CLASP2: variants seen among roughly 807,000 people sequenced by gnomAD.
CLASP2 encodes cytoplasmic linker associated protein 2.
CLASP2 carries 47 observed loss-of-function variants against 194.4 expected under a neutral mutation model. That is an observed-to-expected ratio of 0.24 (90% confidence interval 0.19 to 0.31). The LOEUF (loss-of-function observed/expected upper bound fraction) is 0.31, where lower values mean the gene tolerates loss of function less well. CLASP2 is among the 10% of genes least tolerant of loss of function. The pLI, the probability that CLASP2 is intolerant of heterozygous loss-of-function variation, is 1.00. For missense variants in CLASP2, 1,445 were observed against 1,823.6 expected (o/e 0.79, Z 3.78); for synonymous variants, 619 against 633.5 (o/e 0.98, Z 0.34).
In CLASP2 at chr3:33,501,642, C is replaced by T. The variant is rs749746979; in HGVS notation, c.4434+10G>A. 1.6e-5 allele frequency: 25 copies of T among 1,518,472 alleles called. No homozygotes were observed. The highest frequency in any genetic ancestry group is 2.2e-5 in the Non-Finnish European group (24 of 1,092,958). 94.1% of individuals were successfully genotyped at this position (1,518,472 alleles called of 1,614,324 possible). A position where few individuals can be genotyped will look rare whatever the true frequency, so the allele number is the denominator to read the frequency against. ...GGCCACCATCTCTAAAACACAGCAG[C>T]ACTACTTACTTTACTGCCAGTAAGT... On this transcript the variant is annotated intron_variant, in intron 38 of 38. Coordinates refer to ENST00000682230, the MANE Select transcript of CLASP2 (RefSeq NM_001365631.1).
chr3:33,674,022 T>A (rs994304881), intron 6 of CLASP2, among the ~76,000 whole-genome samples: 1 of 152,148 alleles, frequency 6.6e-6, no homozygotes, highest in East Asian at 1.9e-4. Context: ...CTGTCAACAT[T>A]AGACAGATCA....
chr3:33,573,500 T>C, intron 24 of CLASP2, 146 bp from the exon 25 acceptor site: 1 of 868,096 alleles, frequency 1.2e-6, no homozygotes, highest in Non-Finnish European at 1.8e-6. Flanking sequence ...AATGTCAGTA[T>C]TTAGTTTTTC....
chr3:33,619,074 C>A (rs1426560061), intron 12 of CLASP2, among the ~76,000 whole-genome samples: 1 of 152,092 alleles, frequency 6.6e-6, no homozygotes, highest in Non-Finnish European at 1.5e-5. Flanking sequence ...GAATACTGTA[C>A]TAAATATTAC....
chr3:33,560,741 T>A lies in CLASP2; in HGVS notation c.2930+67A>T, dbSNP rs542951819. ...CAAAGGGACCCAGAAATCTGAACTA[T>A]TAACACAGGGGTTAGATATTCCTAG... is the stretch of plus-strand genomic sequence containing the variant. On this transcript the variant is annotated intron_variant, in intron 28 of 38. Coordinates refer to ENST00000682230, the MANE Select transcript of CLASP2 (RefSeq NM_001365631.1). 2.5e-5 allele frequency: 35 copies of A among 1,402,106 alleles called. No homozygotes were observed. In the Admixed American group the frequency reaches 3.2e-4, roughly 13 times the overall value. 86.9% of individuals were successfully genotyped at this position (1,402,106 alleles called of 1,614,324 possible).
At chr3:33,567,558 A>G (rs2062970096) in intron 26 of CLASP2, among the ~76,000 whole-genome samples, 1 of 152,150 alleles carries the variant, frequency 6.6e-6, no homozygotes, top group African/African-American at 2.4e-5. Flanking sequence ...AGGGGCAAAA[A>G]ATGGGTCCAG....
intron 34 of CLASP2, among the ~76,000 whole-genome samples, chr3:33,518,073 A>G (rs1022177654): frequency 6.6e-6 from 1 of 152,226 alleles, no homozygotes; most frequent in African/African-American, 2.4e-5. Flanking sequence ...TTCTGTAGAG[A>G]ATAACTTTAT....
rs1202062684 is a variant in CLASP2 at position 33,644,749 on chromosome 3, T to G, written c.862+8A>C. On this transcript the variant is annotated splice_region_variant and intron_variant, in intron 8 of 38. Transcript: ENST00000682230. Reference sequence around the variant, plus strand: ...ATGCATAACAGATTTGAAATGGATTTACATTACCTCCAACCTTAGGGCCAC... The same window carrying G: ...ATGCATAACAGATTTGAAATGGATTGACATTACCTCCAACCTTAGGGCCAC... 1.2e-6 allele frequency: 2 copies of G among 1,612,718 alleles called. No homozygotes were observed. The highest frequency in any genetic ancestry group is 2.7e-5 in the African/African-American group (2 of 74,912).
Position 33,608,606 on chromosome 3 carries a change from T to A in CLASP2, c.1409A>T (p.Asp470Val). 1 of 1,610,464 alleles carries A rather than the reference T, an allele frequency of 6.2e-7. No individual in the cohort carries two copies. The highest frequency in any genetic ancestry group is 8.5e-7 in the Non-Finnish European group (1 of 1,178,292). ...PVRRRSFEFL[D>V]LLLQEWQTHS... The stretch of plus-strand genomic sequence containing the variant: ...AGTCTGCCACTCTTGCAACAATAAA[T>A]CTAAAAATTCAAATGAACGTCTGAA... The change falls in exon 14 of 39, where the codon GAT becomes GTT. Residue 470 changes from aspartate (D) to valine (V), a missense_variant. By Grantham distance (152) the Asp-to-Val change is radical. Coordinates refer to ENST00000682230, the MANE Select transcript of CLASP2 (RefSeq NM_001365631.1).
At chr3:33,619,031 T>C (rs2076677958) in intron 12 of CLASP2, among the ~76,000 whole-genome samples, 1 of 152,226 alleles carries the variant, frequency 6.6e-6, no homozygotes, top group African/African-American at 2.4e-5. Context: ...CTATTGCTCC[T>C]AGGCTACGAA....
intron 36 of CLASP2, among the ~76,000 whole-genome samples, chr3:33,515,247 A>AT (rs961374691): frequency 4.0e-5 from 6 of 151,892 alleles, no homozygotes; most frequent in Admixed American, 2.0e-4. Context: ...CTATTTGAAC[A>AT]TTTTTTTTCT....
At chr3:33,565,503 T>C (rs913245955) in intron 27 of CLASP2, among the ~76,000 whole-genome samples, 2 of 152,050 alleles carry the variant, frequency 1.3e-5, no homozygotes, top group African/African-American at 4.8e-5. Context: ...TTTTCTCTAG[T>C]TTACTTTATT....
chr3:33,507,681 A>C (rs968799178), intron 37 of CLASP2, among the ~76,000 whole-genome samples: 1 of 151,974 alleles, frequency 6.6e-6, no homozygotes, highest in African/African-American at 2.4e-5. Flanking sequence ...ACAGTTTCTT[A>C]TTATGTTGCT....
At chr3:33,621,866 T>A (rs2077166919) in intron 11 of CLASP2, among the ~76,000 whole-genome samples, 1 of 152,186 alleles carries the variant, frequency 6.6e-6, no homozygotes, top group Admixed American at 6.5e-5. Context: ...TTCATTTTCA[T>A]CTTATACTTG....
intron 6 of CLASP2, among the ~76,000 whole-genome samples, chr3:33,681,352 A>C (rs1023961737): frequency 6.6e-6 from 1 of 152,170 alleles, no homozygotes; most frequent in African/African-American, 2.4e-5. Flanking sequence ...TATTACCAGC[A>C]AATAATTGGT....
At chr3:33,559,130 A>G (rs543250151) in intron 29 of CLASP2, 177 bp downstream of exon 29, 1 of 691,690 alleles carries the variant, frequency 1.4e-6, no homozygotes, top group Non-Finnish European at 2.6e-6. Context: ...AAAACCTTGG[A>G]GCTCCAAAAA....
intron 25 of CLASP2, among the ~76,000 whole-genome samples, 180 bp from the exon 26 acceptor site, chr3:33,570,970 G>C: frequency 6.7e-6 from 1 of 149,236 alleles, no homozygotes; most frequent in Non-Finnish European, 1.5e-5. Flanking sequence ...GAGCCCAGGA[G>C]TTCAAGATCA....
chr3:33,682,867 CTGAG>C (rs1270428285), intron 6 of CLASP2: 3 of 152,198 alleles, frequency 2.0e-5, no homozygotes, highest in African/African-American at 7.2e-5. Flanking sequence ...GTGTGAGAGA[CTGAG>C]TAACAAAGAG....
intron 30 of CLASP2, among the ~76,000 whole-genome samples, chr3:33,548,671 T>C (rs893673828): frequency 2.6e-5 from 4 of 152,160 alleles, no homozygotes; most frequent in African/African-American, 7.2e-5. Flanking sequence ...ACTGATAGGA[T>C]TGACAGGCTT....
chr3:33,576,643 T>C (rs1460701858), intron 23 of CLASP2, among the ~76,000 whole-genome samples: 1 of 152,062 alleles, frequency 6.6e-6, no homozygotes, highest in East Asian at 1.9e-4. Flanking sequence ...CAAAGATCAA[T>C]CCTCAACCAA....
Sources: allele counts gnomAD v4.1 joint callset (sites outside exome capture counted in the v4.1 genomes callset), GRCh38; gene constraint gnomAD v4.1.1; transcripts MANE v1.5; gene names NCBI Gene and HGNC (gene_info 2026-07-23, HGNC 2026-07-21).